The following RASSF5 variants were observed in gnomAD, a reference collection of about 807,000 sequenced individuals.
RASSF5 encodes the protein ras association domain-containing protein 5.
RASSF5 carries 25 observed loss-of-function variants against 40.5 expected under a neutral mutation model. That is an observed-to-expected ratio of 0.62 (90% CI 0.45 to 0.86). The LOEUF is 0.86. Among genes scored for constraint, RASSF5 ranks in the 40% least tolerant of loss-of-function variants. The pLI, the probability that RASSF5 is intolerant of heterozygous loss-of-function variation, is 0.00. For missense variants in RASSF5, 521 were observed against 572.8 expected (o/e 0.91, Z 0.92); for synonymous variants, 246 against 252.4 (o/e 0.97, Z 0.24).
chr1:206,557,311 G>C (rs1668016461), intron 2 of RASSF5: 1 of 1,251,238 alleles, frequency 8.0e-7, no homozygotes, highest in Non-Finnish European at 1.0e-6. Flanking sequence ...GCGCGAGCCG[G>C]GCGCCCGGGG....
intron 3 of RASSF5, 106 bp downstream of exon 3, chr1:206,583,485 C>T (rs1341434096): frequency 1.4e-5 from 11 of 770,736 alleles, no homozygotes; most frequent in Non-Finnish European, 2.5e-5. Flanking sequence ...GGCAGGTCCC[C>T]TCCCTTTCCT....
intron 2 of RASSF5, among the ~76,000 whole-genome samples, chr1:206,553,066 G>A (rs575351917): frequency 1.3e-5 from 2 of 152,272 alleles, no homozygotes; most frequent in Admixed American, 6.5e-5. Context: ...GCCGGGTGTG[G>A]TGGCGGGCGC....
intron 2 of RASSF5, among the ~76,000 whole-genome samples, chr1:206,575,494 A>G (rs1423329068): frequency 6.6e-5 from 10 of 152,138 alleles, no homozygotes; most frequent in Admixed American, 5.9e-4. Flanking sequence ...GACAATAGAG[A>G]AAAGTGGTGA....
At chr1:206,524,113 T>C (rs1243943661) in intron 1 of RASSF5, among the ~76,000 whole-genome samples, 11 of 133,322 alleles carry the variant, frequency 8.3e-5, no homozygotes, top group Non-Finnish European at 1.2e-4. Flanking sequence ...TAATATATTT[T>C]ATATATTATA....
chr1:206,557,107 G>T (rs1012940329), intron 2 of RASSF5: 2 of 987,898 alleles, frequency 2.0e-6, no homozygotes, highest in East Asian at 1.1e-4. Flanking sequence ...GGAGGCGGGG[G>T]AGGGGCGCAG....
intron 2 of RASSF5, among the ~76,000 whole-genome samples, chr1:206,549,209 T>C (rs557826832): frequency 4.5e-4 from 68 of 152,292 alleles, no homozygotes; most frequent in African/African-American, 1.4e-3. Flanking sequence ...TCTTCAAGTT[T>C]GTTAATCTTT....
At chr1:206,509,685 G>A (rs1666564771) in intron 1 of RASSF5, among the ~76,000 whole-genome samples, 1 of 151,624 alleles carries the variant, frequency 6.6e-6, no homozygotes, top group African/African-American at 2.4e-5. Context: ...TTGGGGGACT[G>A]TATCACTTGT....
In RASSF5 at chr1:206,584,351, C is replaced by A; in HGVS notation, c.691-36C>A. ...GGCAGATATGATCATGCAAGGCGGA[C>A]GGCCCTGACCCCCTGTGACATGCCC... On this transcript the variant is annotated intron_variant, in intron 3 of 5. Coordinates refer to ENST00000579436, the MANE Select transcript of RASSF5 (RefSeq NM_182663.4). The surrounding 1 kb of genome is among the most constrained non-coding windows in gnomAD (Gnocchi z 4.9). 1.3e-6 allele frequency: 2 copies of A among 1,572,972 alleles called. No homozygotes were observed. The highest frequency in any genetic ancestry group is 8.6e-7 in the Non-Finnish European group (1 of 1,158,036).
intron 2 of RASSF5, among the ~76,000 whole-genome samples, chr1:206,546,292 A>G (rs1317974686): frequency 2.0e-5 from 3 of 151,352 alleles, no homozygotes; most frequent in Non-Finnish European, 2.9e-5. Context: ...TACTTTTCGT[A>G]GAGACCGGGT....
chr1:206,577,942 G>A (rs1295716603), intron 2 of RASSF5, among the ~76,000 whole-genome samples: 1 of 152,172 alleles, frequency 6.6e-6, no homozygotes, highest in Non-Finnish European at 1.5e-5. Context: ...AATGTAAGCA[G>A]CCAGGCGCGG....
At chr1:206,582,331 G>A (rs1284722876) in intron 2 of RASSF5, among the ~76,000 whole-genome samples, 1 of 152,192 alleles carries the variant, frequency 6.6e-6, no homozygotes, top group Non-Finnish European at 1.5e-5. Context: ...GGGAACATAT[G>A]AGAAGAATGA....
Position 206,584,808 on chromosome 1 carries a change from T to A in RASSF5, c.988+124T>A. The A allele has an allele frequency of 9.9e-7, 1 of 1,012,612 alleles. No homozygotes were observed. The highest frequency in any genetic ancestry group is 1.5e-6 in the Non-Finnish European group (1 of 680,786). The allele number at this position is 1,012,612 out of a possible 1,614,324, so 62.7% of individuals were successfully genotyped here. A position where few individuals can be genotyped will look rare whatever the true frequency, so the allele number is the denominator to read the frequency against. ...TTCTCCTGAGCACCAGGGGTCCAGCTGCCCATGTGGTGTTCAGATCTGTGG... is the reference window on the plus strand; with the variant it reads ...TTCTCCTGAGCACCAGGGGTCCAGCAGCCCATGTGGTGTTCAGATCTGTGG... On this transcript the variant is annotated intron_variant, in intron 4 of 5. Coordinates refer to ENST00000579436, the MANE Select transcript of RASSF5 (RefSeq NM_182663.4). This position sits in a 1 kb window ranked among gnomAD's most constrained non-coding sequence, Gnocchi z 4.9.
At chr1:206,586,290 A>G (rs4240840) in intron 5 of RASSF5, 102,025 of 153,698 alleles carry the variant, frequency 0.66, 34,081 homozygotes, top group African/African-American at 0.74. Context: ...TCAGAGGCCA[A>G]GTCCTTTAGG....
chr1:206,588,702 A>T lies in RASSF5; in HGVS notation c.*1724A>T, dbSNP rs1669233531. 6.6e-6 allele frequency: 1 copy of T among 152,602 alleles called. No individual in the cohort carries two copies. The allele number at this position is 152,602 out of a possible 1,614,324, so 9.5% of individuals were successfully genotyped here. A position where few individuals can be genotyped will look rare whatever the true frequency, so the allele number is the denominator to read the frequency against. ...TAGTCTCCAGAGCTTCAAAGGCAAC[A>T]CAAGCTCGCAACTCTAAGATTTTTT... On this transcript the variant is annotated 3_prime_UTR_variant, in exon 6 of 6. Transcript: ENST00000579436.
Position 206,529,440 on chromosome 1 carries a change from G to A in RASSF5, c.458-8732G>A, listed in dbSNP as rs552732166. Reference sequence around the variant, plus strand: ...GCCTGCCCTGTGTCATAAAATGGGGGTCCCTTACTGCATTATCAAGGAGAA... The same window carrying A: ...GCCTGCCCTGTGTCATAAAATGGGGATCCCTTACTGCATTATCAAGGAGAA... On this transcript the variant is annotated intron_variant, in intron 1 of 5. Transcript: ENST00000579436. 1.5e-4 allele frequency: 132 copies of A among 898,500 alleles called. 4 individuals are homozygous for A. The South Asian group carries it at 1.7e-3, about 12-fold the overall frequency. 55.7% of individuals were successfully genotyped at this position (898,500 alleles called of 1,614,324 possible).
chr1:206,584,740 C>T lies in RASSF5; in HGVS notation c.988+56C>T, dbSNP rs782511231. 45 of 1,593,994 alleles carry T rather than the reference C, an allele frequency of 2.8e-5. No individual in the cohort carries two copies. Among genetic ancestry groups the T allele is most frequent in the Non-Finnish European group, 3.8e-5 (44 of 1,166,474 alleles). ...TTCCCTTCCTACCTGTGTCCAAGCC[C>T]ACCCACTAAAACTCCTGCCGGCCTT... On this transcript the variant is annotated intron_variant, in intron 4 of 5. Transcript: ENST00000579436. The surrounding 1 kb of genome is among the most constrained non-coding windows in gnomAD (Gnocchi z 4.9).
At position 206,587,628 on chromosome 1, in the gene RASSF5, T is replaced by TCTGGCC. The variant is rs1410427605; in HGVS notation, c.*658_*663dup. On this transcript the variant is annotated 3_prime_UTR_variant, in exon 6 of 6. Transcript: ENST00000579436. ...AGCTGCAGCCTGCCCTGGCCCTGGC[T>TCTGGCC]CTGGCCCTGGCCCACATTGCACATG... 3.2e-5 allele frequency: 5 copies of TCTGGCC among 154,718 alleles called. No individual in the cohort carries two copies. In the East Asian group the frequency reaches 7.5e-4, roughly 23 times the overall value. The allele number at this position is 154,718 out of a possible 1,614,324, so 9.6% of individuals were successfully genotyped here. A position where few individuals can be genotyped will look rare whatever the true frequency, so the allele number is the denominator to read the frequency against.
chr1:206,551,333 A>G (rs1667835141), intron 2 of RASSF5, among the ~76,000 whole-genome samples: 1 of 152,136 alleles, frequency 6.6e-6, no homozygotes, highest in South Asian at 2.1e-4. Flanking sequence ...CAGCCCACCT[A>G]TATCTGCCAA....
At chr1:206,550,630 A>G (rs1392994921) in intron 2 of RASSF5, among the ~76,000 whole-genome samples, 1 of 152,220 alleles carries the variant, frequency 6.6e-6, no homozygotes, top group Non-Finnish European at 1.5e-5. Flanking sequence ...TGTAAACTCC[A>G]TGGAGCATGA....
Sources: gnomAD v4.1 joint callset for allele counts (sites outside exome capture counted in the v4.1 genomes callset) on GRCh38, gnomAD v4.1.1 for gene constraint, Gnocchi (gnomAD v3.1) non-coding constraint, MANE v1.5 for transcripts, NCBI Gene and HGNC (gene_info 2026-07-23, HGNC 2026-07-21) for gene names.